The following PGGT1B variants were observed in gnomAD, a reference collection of about 807,000 sequenced individuals.
PGGT1B encodes the protein protein geranylgeranyltransferase type I subunit beta, also known as geranylgeranyl transferase type-1 subunit beta.
A neutral mutation model predicts 46.1 loss-of-function variants in PGGT1B; 30 were observed. The observed-to-expected ratio is 0.65, with a 90% confidence interval of 0.49 to 0.88. The LOEUF (loss-of-function observed/expected upper bound fraction) is 0.88. PGGT1B is among the 40% of genes least tolerant of loss of function. The probability of loss-of-function intolerance (pLI) is 0.00; values close to 1 mark genes in which losing one functional copy is unlikely to be tolerated. For missense variants in PGGT1B, 376 were observed against 455.9 expected, an observed-to-expected ratio of 0.82 and a Z score of 1.60; for synonymous variants, 170 against 160.0, an observed-to-expected ratio of 1.06 and a Z score of -0.47.
chr5:115,244,413 T>C (rs112557667), intron 2 of PGGT1B, among the ~76,000 whole-genome samples: 1,641 of 111,126 alleles, frequency 0.015, 34 homozygotes, highest in African/African-American at 0.054. Context: ...TGCAGTGAGC[T>C]AAGATCGGGC....
intron 1 of PGGT1B, among the ~76,000 whole-genome samples, chr5:115,259,373 T>C (rs1056867774): frequency 2.0e-5 from 3 of 152,118 alleles, no homozygotes; most frequent in Admixed American, 6.5e-5. Flanking sequence ...CTTTGAAAGA[T>C]GTACTGCTAG....
At position 115,230,991 on chromosome 5, in the gene PGGT1B, C is replaced by T; in HGVS notation, c.643G>A (p.Gly215Arg). Reference protein sequence around the residue: ...SYDNGLAQGAGLESHGGSTFC... With the variant: ...SYDNGLAQGARLESHGGSTFC... ...GATGTCTTACCATGAGATTCAAGTC[C>T]AGCTCCCTGTGCCAGTCCATTGTCA... Residue 215 changes from glycine to arginine, a missense_variant, in exon 6 of 9, where the codon GGA (glycine) becomes AGA (arginine). By Grantham distance (125) the Gly-to-Arg change is moderately radical. Around this residue, in one of 2 missense-constraint regions of PGGT1B, gnomAD observed 222 missense variants for 313.6 expected, o/e 0.71. Coordinates refer to ENST00000419445, the MANE Select transcript of PGGT1B (RefSeq NM_005023.4). 1 of 1,580,264 alleles carries T rather than the reference C, an allele frequency of 6.3e-7. No homozygotes were observed. The highest frequency in any genetic ancestry group is 8.6e-7 in the Non-Finnish European group (1 of 1,156,856).
At chr5:115,252,028 C>G (rs1457741701) in intron 2 of PGGT1B, among the ~76,000 whole-genome samples, 1 of 152,030 alleles carries the variant, frequency 6.6e-6, no homozygotes, top group East Asian at 1.9e-4. Context: ...AAAATGAGGA[C>G]CATAACTTGC....
At chr5:115,216,429 T>A (rs547753783) in intron 8 of PGGT1B, among the ~76,000 whole-genome samples, 1 of 152,204 alleles carries the variant, frequency 6.6e-6, no homozygotes. Context: ...CATGAGCCAC[T>A]GTGCCCGGCC....
chr5:115,241,352 G>A (rs551860178), intron 3 of PGGT1B, among the ~76,000 whole-genome samples, 187 bp downstream of exon 3: 5 of 152,150 alleles, frequency 3.3e-5, no homozygotes, highest in Non-Finnish European at 7.3e-5. Context: ...GCACTTCTTT[G>A]AGGAAGTAAA....
intron 1 of PGGT1B, among the ~76,000 whole-genome samples, chr5:115,260,722 G>C (rs59667080): frequency 1.3e-5 from 2 of 151,938 alleles, no homozygotes; most frequent in Non-Finnish European, 2.9e-5. Flanking sequence ...ACAAACATTA[G>C]ACAAAAAAGG....
At position 115,248,606 on chromosome 5, in the gene PGGT1B, G is replaced by T. The variant is rs561754896; in HGVS notation, c.259+4531C>A. On this transcript the variant is annotated intron_variant, in intron 2 of 8. Transcript: ENST00000419445. ...CACTTATTACTAGGAAACCACTAGGGTCTTTATAATCCTGGAGTTAAGTGG... is the reference window on the plus strand; with the variant it reads ...CACTTATTACTAGGAAACCACTAGGTTCTTTATAATCCTGGAGTTAAGTGG... Among the ~76,000 whole-genome samples the T allele has an allele frequency of 2.3e-4, 35 of 152,322 alleles. 1 individual carries two copies. Among genetic ancestry groups the T allele is most frequent in the Admixed American group, 2.0e-3 (30 of 15,302 alleles).
At chr5:115,240,619 C>T (rs914507225) in intron 3 of PGGT1B, among the ~76,000 whole-genome samples, 23 of 152,162 alleles carry the variant, frequency 1.5e-4, no homozygotes, top group African/African-American at 5.1e-4. Context: ...CAGCTTAAGG[C>T]AGAGGAAGAA....
At chr5:115,246,073 C>T (rs757188722) in intron 2 of PGGT1B, among the ~76,000 whole-genome samples, 5 of 152,008 alleles carry the variant, frequency 3.3e-5, no homozygotes, top group African/African-American at 9.7e-5. Flanking sequence ...CCACTTAGGC[C>T]GGGCGCGGTG....
chr5:115,232,164 GT>G (rs1459963955), intron 5 of PGGT1B, among the ~76,000 whole-genome samples: 2 of 152,070 alleles, frequency 1.3e-5, no homozygotes, highest in African/African-American at 4.8e-5. Flanking sequence ...TAAAATTAGA[GT>G]TATAGAAGAA....
intron 3 of PGGT1B, among the ~76,000 whole-genome samples, chr5:115,239,264 A>G (rs574774522): frequency 1.1e-4 from 17 of 152,184 alleles, no homozygotes; most frequent in Middle Eastern, 6.8e-3. Flanking sequence ...GGCTGGTCTC[A>G]AACTCCTGAG....
intron 1 of PGGT1B, among the ~76,000 whole-genome samples, chr5:115,257,530 CAA>C (rs1169870044): frequency 5.5e-5 from 4 of 72,108 alleles, no homozygotes; most frequent in Admixed American, 1.7e-4. Context: ...AACTCCATCT[CAA>C]AAAAAAAAAA....
chr5:115,240,396 T>C (rs185451787), intron 3 of PGGT1B, among the ~76,000 whole-genome samples: 23 of 152,304 alleles, frequency 1.5e-4, no homozygotes, highest in Admixed American at 1.5e-3. Context: ...ATAACGGTCA[T>C]CATAACTAGT....
chr5:115,258,536 T>C (rs1748421021), intron 1 of PGGT1B, among the ~76,000 whole-genome samples: 1 of 152,218 alleles, frequency 6.6e-6, no homozygotes, highest in Admixed American at 6.5e-5. Flanking sequence ...ATTCCTACCA[T>C]ATCCCTTTAC....
chr5:115,244,416 G>C (rs1395482014), intron 2 of PGGT1B, among the ~76,000 whole-genome samples: 2 of 113,946 alleles, frequency 1.8e-5, no homozygotes, highest in Middle Eastern at 9.3e-3. Flanking sequence ...AGTGAGCTAA[G>C]ATCGGGCCAC....
Position 115,212,349 on chromosome 5 carries a change from A to G in PGGT1B, c.*53T>C. 6.2e-7 allele frequency: 1 copy of G among 1,607,254 alleles called. No homozygotes were observed. Among genetic ancestry groups the G allele is most frequent in the Non-Finnish European group, 8.5e-7 (1 of 1,176,964 alleles). ...ACACTTGGTTATACATGGCTTTTAA[A>G]CTTGAGCTACAGTTATGCTACAAAT... On this transcript the variant is annotated 3_prime_UTR_variant, in exon 9 of 9. Transcript: ENST00000419445.
intron 6 of PGGT1B, among the ~76,000 whole-genome samples, chr5:115,225,278 T>G (rs1269027343): frequency 6.6e-6 from 1 of 152,202 alleles, no homozygotes; most frequent in Admixed American, 6.5e-5. Context: ...TATGGAGAAT[T>G]AGCATATGCA....
chr5:115,247,233 T>C (rs978931349), intron 2 of PGGT1B, among the ~76,000 whole-genome samples: 16 of 152,186 alleles, frequency 1.1e-4, no homozygotes, highest in Admixed American at 4.6e-4. Context: ...TTATGGAATA[T>C]AAAAGTTTGA....
chr5:115,258,615 TCTTA>T (rs1478992601), intron 1 of PGGT1B, among the ~76,000 whole-genome samples: 1 of 152,218 alleles, frequency 6.6e-6, no homozygotes, highest in African/African-American at 2.4e-5. Flanking sequence ...GCTTTATTCT[TCTTA>T]TTGTCCATTT....
Sources: gnomAD v4.1 joint callset for allele counts (sites outside exome capture counted in the v4.1 genomes callset) on GRCh38, gnomAD v4.1.1 for gene constraint, gnomAD v4.1.1 regional missense constraint, MANE v1.5 for transcripts, NCBI Gene and HGNC (gene_info 2026-07-23, HGNC 2026-07-21) for gene names.